Variants in EZR observed in about 807,000 individuals in gnomAD.
EZR encodes ezrin.
EZR carries 40 observed loss-of-function variants against 74.8 expected under a neutral mutation model. The observed-to-expected ratio is 0.53, with a 90% CI of 0.42 to 0.70. The LOEUF is 0.70. EZR is among the 30% of genes least tolerant of loss of function. The pLI is 0.00. For synonymous variants in EZR, 341 were observed against 283.3 expected, an observed-to-expected ratio of 1.20 and a Z score of -2.05; for missense variants, 678 against 755.8, an observed-to-expected ratio of 0.90 and a Z score of 1.21.
chr6:158,789,373 T>G lies in EZR; in HGVS notation c.13-2A>C. 6.2e-7 allele frequency: 1 copy of G among 1,613,456 alleles called. No individual in the cohort carries two copies. The highest frequency in any genetic ancestry group is 8.5e-7 in the Non-Finnish European group (1 of 1,179,376). ...CATGGTGGTAACTCGGACATTGATC[T>G]GAAAAACAGAATGAAACAAATTACG... On this transcript the variant is annotated splice_acceptor_variant, in intron 2 of 13. Coordinates refer to ENST00000367075, the MANE Select transcript of EZR (RefSeq NM_001111077.2). LOFTEE classifies it high-confidence loss of function.
rs1210785111 is a variant in EZR at position 158,783,507 on chromosome 6, A to G, written c.698+13T>C. Reference sequence around the variant, plus strand: ...ACCCTACCTACTGAAGATAACTGTGAACTTCAACTCACTTATCATCTTTCT... The same window carrying G: ...ACCCTACCTACTGAAGATAACTGTGGACTTCAACTCACTTATCATCTTTCT... On this transcript the variant is annotated intron_variant, in intron 7 of 13. Transcript: ENST00000367075. The G allele has an allele frequency of 6.2e-7, 1 of 1,607,730 alleles. No individual in the cohort carries two copies. The highest frequency in any genetic ancestry group is 1.1e-5 in the South Asian group (1 of 90,622).
intron 10 of EZR, among the ~76,000 whole-genome samples, chr6:158,770,211 C>T (rs1791058812): frequency 2.6e-5 from 4 of 152,250 alleles, no homozygotes; most frequent in Admixed American, 2.0e-4. Context: ...TGGCGCTACT[C>T]TCCCCAGGTC....
rs1562489763 is a variant in EZR at position 158,769,963 on chromosome 6, A to G, written c.1091-19T>C. ...GAGAGCTCTGCAAAGACACAAAGCC[A>G]GAGCCATTCAAACCCTCAGCCCAGG... is the stretch of plus-strand genomic sequence containing the variant. On this transcript the variant is annotated intron_variant, in intron 10 of 13. Coordinates refer to ENST00000367075, the MANE Select transcript of EZR (RefSeq NM_001111077.2). 1.9e-6 allele frequency: 3 copies of G among 1,606,336 alleles called. No homozygotes were observed. The highest frequency in any genetic ancestry group is 2.5e-6 in the Non-Finnish European group (3 of 1,179,696).
chr6:158,786,979 T>G, intron 4 of EZR, 129 bp downstream of exon 4: 1 of 686,850 alleles, frequency 1.5e-6, no homozygotes, highest in East Asian at 2.8e-5. Flanking sequence ...AACCTTTTTG[T>G]CTGTAAAAAC....
In EZR at chr6:158,819,331, G is replaced by A. The variant is rs1483562877; in HGVS notation, c.-88C>T. The A allele has an allele frequency of 1.3e-5, 2 of 152,842 alleles. No homozygotes were observed. Among genetic ancestry groups the A allele is most frequent in the African/African-American group, 4.8e-5 (2 of 41,426 alleles). The allele number at this position is 152,842 out of a possible 1,614,324, so 9.5% of individuals were successfully genotyped here. On this transcript the variant is annotated 5_prime_UTR_variant, in exon 1 of 14. Coordinates refer to ENST00000367075, the MANE Select transcript of EZR (RefSeq NM_001111077.2). The stretch of plus-strand genomic sequence containing the variant: ...GCACGCCTCACCCGGCGCCTGCAGT[G>A]CTCCGTGTGCTCCCCGCCGCCCTTG...
intron 1 of EZR, among the ~76,000 whole-genome samples, chr6:158,818,382 G>GGC (rs928835921): frequency 4.6e-5 from 7 of 151,376 alleles, no homozygotes; most frequent in African/African-American, 1.7e-4. Flanking sequence ...CGAGAGCGGG[G>GGC]GCGCGCGCCC....
At position 158,818,161 on chromosome 6, in the gene EZR, C is replaced by T; in HGVS notation, c.-68G>A. On this transcript the variant is annotated 5_prime_UTR_variant, in exon 2 of 14. Transcript: ENST00000367075. The stretch of plus-strand genomic sequence containing the variant: ...TATCCAGCAGCAGCGAAGACGCTGT[C>T]CCAACCTGGAGTCAGAGCAGAACCC... The T allele has an allele frequency of 6.3e-7, 1 of 1,585,482 alleles. No individual in the cohort carries two copies. Among genetic ancestry groups the T allele is most frequent in the Non-Finnish European group, 8.6e-7 (1 of 1,157,982 alleles).
At position 158,787,222 on chromosome 6, in the gene EZR, GGCTC is replaced by G; in HGVS notation, c.97-23_97-20del. 6.3e-7 allele frequency: 1 copy of G among 1,593,486 alleles called. No individual in the cohort carries two copies. Among genetic ancestry groups the G allele is most frequent in the Non-Finnish European group, 8.6e-7 (1 of 1,161,944 alleles). ...TTACCACCTGCGTGAGAGAGAGAGA[GGCTC>G]AACACTCATGAGAAACTCACTCAAA... On this transcript the variant is annotated intron_variant, in intron 3 of 13. Transcript: ENST00000367075.
At chr6:158,786,419 G>A (rs1009259222) in intron 4 of EZR, among the ~76,000 whole-genome samples, 2 of 152,128 alleles carry the variant, frequency 1.3e-5, no homozygotes, top group African/African-American at 4.8e-5. Context: ...ACACTCTTGT[G>A]CTCAGCTGGA....
chr6:158,768,278 C>T (rs1287728026), intron 12 of EZR, among the ~76,000 whole-genome samples: 2 of 152,086 alleles, frequency 1.3e-5, no homozygotes, highest in African/African-American at 4.8e-5. Flanking sequence ...GCTTCCCCTT[C>T]GCCTTCTGCC....
At chr6:158,811,887 AT>A (rs1777457824) in intron 2 of EZR, among the ~76,000 whole-genome samples, 1 of 150,890 alleles carries the variant, frequency 6.6e-6, no homozygotes, top group South Asian at 2.1e-4. Flanking sequence ...AAAAAAAAAA[AT>A]TCACATTATT....
chr6:158,809,205 T>C (rs1295146990), intron 2 of EZR, among the ~76,000 whole-genome samples: 1 of 140,122 alleles, frequency 7.1e-6, no homozygotes, highest in Non-Finnish European at 1.6e-5. Context: ...GTTCTATGAG[T>C]GCAGTAAAGT....
chr6:158,772,901 T>C (rs1484768044), intron 8 of EZR, among the ~76,000 whole-genome samples: 1 of 152,170 alleles, frequency 6.6e-6, no homozygotes, highest in Non-Finnish European at 1.5e-5. Context: ...TTAGCTTCAG[T>C]CTTTTCATCT....
intron 2 of EZR, among the ~76,000 whole-genome samples, chr6:158,811,110 C>T (rs993194774): frequency 6.6e-6 from 1 of 152,292 alleles, no homozygotes; most frequent in Non-Finnish European, 1.5e-5. Context: ...CTGAAAACTA[C>T]CCAAGTCTGG....
chr6:158,800,953 AAAG>A (rs1348072941), intron 2 of EZR, among the ~76,000 whole-genome samples: 1 of 152,208 alleles, frequency 6.6e-6, no homozygotes, highest in African/African-American at 2.4e-5. Flanking sequence ...TTTTAAGGTT[AAAG>A]AAGAACATGA....
intron 7 of EZR, among the ~76,000 whole-genome samples, chr6:158,778,835 A>G (rs1791350975): frequency 6.6e-6 from 1 of 152,224 alleles, no homozygotes; most frequent in Admixed American, 6.5e-5. Context: ...CCAAAGACCG[A>G]AACACATATC....
intron 2 of EZR, among the ~76,000 whole-genome samples, chr6:158,810,731 CAG>C (rs1260177608): frequency 1.4e-4 from 22 of 151,860 alleles, no homozygotes; most frequent in Non-Finnish European, 2.9e-4. Flanking sequence ...TATAGGAACC[CAG>C]AGTTTTTACC....
At position 158,766,530 on chromosome 6, in the gene EZR, C is replaced by T. The variant is rs1328047580; in HGVS notation, c.*384G>A. The T allele has an allele frequency of 2.2e-5, 4 of 180,694 alleles. No individual in the cohort carries two copies. 11.2% of individuals were successfully genotyped at this position (180,694 alleles called of 1,614,324 possible). A position where few individuals can be genotyped will look rare whatever the true frequency, so the allele number is the denominator to read the frequency against. ...AATCAATTTGAGCTCATTTCGAATA[C>T]AGAACAAGTATGGCACAGATGGAAG... On this transcript the variant is annotated 3_prime_UTR_variant, in exon 14 of 14. Transcript: ENST00000367075.
intron 2 of EZR, among the ~76,000 whole-genome samples, chr6:158,798,322 C>G (rs1777117117): frequency 6.6e-6 from 1 of 152,146 alleles, no homozygotes; most frequent in Admixed American, 6.5e-5. Flanking sequence ...TGGTCATTTT[C>G]AAAAGAATAA....
Sources: allele counts gnomAD v4.1 joint callset (sites outside exome capture counted in the v4.1 genomes callset), GRCh38; gene constraint gnomAD v4.1.1; transcripts MANE v1.5; gene names NCBI Gene and HGNC (gene_info 2026-07-23, HGNC 2026-07-21).